The following MFHAS1 variants were observed in gnomAD, a reference collection of about 807,000 sequenced individuals.
MFHAS1 encodes multifunctional ROCO family signaling regulator 1, also known as malignant fibrous histiocytoma-amplified sequence 1.
In MFHAS1, 50 loss-of-function variants were observed where a neutral mutation model predicts 70.4. That is an observed-to-expected ratio of 0.71 (90% CI 0.57 to 0.90). The LOEUF is 0.90. MFHAS1 is among the 40% of genes least tolerant of loss of function. The pLI is 0.00. For synonymous variants in MFHAS1, 952 were observed against 620.0 expected (o/e 1.54, Z -7.96); for missense variants, 1,795 against 1,347.6 (o/e 1.33, Z -5.20).
In MFHAS1 at chr8:8,892,817, C is replaced by T. The variant is rs748622421; in HGVS notation, c.242G>A (p.Gly81Glu). Residue 81 changes from glycine to glutamate, a missense_variant, in exon 1 of 3, where the codon GGG (glycine) becomes GAG (glutamate). Transcript: ENST00000276282. The surrounding 1 kb of genome is among the most constrained non-coding windows in gnomAD (Gnocchi z 4.7). ...GNNGLEEVPE[G>E]LGSALGSLRV... ...CAGGCTGCCCAGCGCCGACCCCAGC[C>T]CCTCGGGTACCTCCTCCAGGCCGTT... The T allele has an allele frequency of 8.2e-6, 13 of 1,591,396 alleles. No homozygotes were observed. The East Asian group carries it at 2.3e-4, about 28-fold the overall frequency.
rs565077560 is a variant in MFHAS1, at chr8:8,822,765, G to A, written c.2999-25274C>T. Among the ~76,000 whole-genome samples, 280 of 148,112 alleles carry A rather than the reference G, an allele frequency of 1.9e-3. 3 individuals are homozygous for A. The highest frequency in any genetic ancestry group is 6.3e-3 in the African/African-American group (249 of 39,800). The stretch of plus-strand genomic sequence containing the variant: ...GACAGGGAACCAAGTCAGGGGGACT[G>A]AGATGGTGACAGGGAACCAAGCCAG... On this transcript the variant is annotated intron_variant, in intron 1 of 2. Transcript: ENST00000276282.
intron 1 of MFHAS1, among the ~76,000 whole-genome samples, chr8:8,850,489 G>C (rs1276166806): frequency 6.6e-6 from 1 of 152,186 alleles, no homozygotes; most frequent in Non-Finnish European, 1.5e-5. Context: ...AAGATTAGGA[G>C]ATAGAACCAG....
chr8:8,798,810 A>G (rs1049871523), intron 1 of MFHAS1, among the ~76,000 whole-genome samples: 4 of 152,126 alleles, frequency 2.6e-5, no homozygotes, highest in Non-Finnish European at 5.9e-5. Context: ...GCAGTTTGGA[A>G]GGCTGAGGCA....
chr8:8,878,007 C>A (rs1168753060), intron 1 of MFHAS1, among the ~76,000 whole-genome samples: 1 of 152,188 alleles, frequency 6.6e-6, no homozygotes, highest in Admixed American at 6.5e-5. Flanking sequence ...CTCCACCCAC[C>A]TCCCTTCTTC....
chr8:8,865,661 T>C (rs1444411695), intron 1 of MFHAS1, among the ~76,000 whole-genome samples: 1 of 152,234 alleles, frequency 6.6e-6, no homozygotes, highest in Non-Finnish European at 1.5e-5. Context: ...AATCCTAGTC[T>C]ACTCAAGGTG....
intron 1 of MFHAS1, among the ~76,000 whole-genome samples, chr8:8,825,715 A>G (rs1210547779): frequency 6.6e-6 from 1 of 152,186 alleles, no homozygotes; most frequent in Non-Finnish European, 1.5e-5. Context: ...TTACCTCTTT[A>G]AAGACCCTAA....
chr8:8,844,711 C>A (rs1009145915), intron 1 of MFHAS1, among the ~76,000 whole-genome samples: 11 of 152,194 alleles, frequency 7.2e-5, no homozygotes, highest in African/African-American at 2.7e-4. Flanking sequence ...CTTCTCAAAG[C>A]TTAAATTATA....
Position 8,892,868 on chromosome 8 carries a change from TC to T in MFHAS1, c.190del (p.Asp64ThrfsTer5). 1 of 1,588,786 alleles carries T rather than the reference TC, an allele frequency of 6.3e-7. No individual in the cohort carries two copies. Among genetic ancestry groups the T allele is most frequent in the Non-Finnish European group, 8.6e-7 (1 of 1,169,466 alleles). On this transcript the variant is annotated frameshift_variant, in exon 1 of 3. Transcript: ENST00000276282. LOFTEE classifies it high-confidence loss of function. The surrounding 1 kb of genome is among the most constrained non-coding windows in gnomAD (Gnocchi z 4.7). ...GTTCCCCAGGTTCAGTGCCTCAATG[TC>T]CCCGAGGTTGGCCGGCAGCACGAGC... ...PQLVLPANLG[D>X]IEALNLGNNG...
intron 1 of MFHAS1, among the ~76,000 whole-genome samples, chr8:8,865,818 A>G (rs1325793872): frequency 6.6e-6 from 1 of 152,220 alleles, no homozygotes; most frequent in Admixed American, 6.5e-5. Context: ...TCATAGTCCA[A>G]AAAGGTCAGA....
At chr8:8,804,280 G>T (rs935578149) in intron 1 of MFHAS1, among the ~76,000 whole-genome samples, 1 of 152,122 alleles carries the variant, frequency 6.6e-6, no homozygotes, top group African/African-American at 2.4e-5. Flanking sequence ...TCTTCAAAAT[G>T]TAGGAATCCA....
intron 1 of MFHAS1, among the ~76,000 whole-genome samples, chr8:8,837,223 T>C (rs888933294): frequency 5.9e-5 from 9 of 152,234 alleles, no homozygotes; most frequent in African/African-American, 1.9e-4. Flanking sequence ...GATCTTTATA[T>C]ATTCTTAGAG....
chr8:8,790,313 C>T, intron 2 of MFHAS1: 4 of 930,280 alleles, frequency 4.3e-6, no homozygotes, highest in Non-Finnish European at 5.1e-6. Context: ...CTCTGTTTCA[C>T]GGAGACTTAC....
At chr8:8,794,574 G>C (rs1805829844) in intron 2 of MFHAS1, among the ~76,000 whole-genome samples, 1 of 152,188 alleles carries the variant, frequency 6.6e-6, no homozygotes, top group Admixed American at 6.5e-5. Flanking sequence ...TTTCTATAAA[G>C]TCACACAAGA....
At chr8:8,878,602 G>T (rs1003803624) in intron 1 of MFHAS1, among the ~76,000 whole-genome samples, 5 of 151,318 alleles carry the variant, frequency 3.3e-5, no homozygotes, top group Non-Finnish European at 5.9e-5. Flanking sequence ...GCACCCAGGC[G>T]AAATATTTTT....
At chr8:8,842,908 T>C (rs967700143) in intron 1 of MFHAS1, among the ~76,000 whole-genome samples, 1 of 152,174 alleles carries the variant, frequency 6.6e-6, no homozygotes, top group African/African-American at 2.4e-5. Flanking sequence ...GCAATCTGCA[T>C]TTACAAATTA....
chr8:8,808,428 C>T (rs542236902), intron 1 of MFHAS1, among the ~76,000 whole-genome samples: 1 of 152,364 alleles, frequency 6.6e-6, no homozygotes, highest in South Asian at 2.1e-4. Context: ...GTGCTTAATA[C>T]GTCACCCTTA....
At chr8:8,830,500 A>G (rs1177888040) in intron 1 of MFHAS1, among the ~76,000 whole-genome samples, 1 of 152,194 alleles carries the variant, frequency 6.6e-6, no homozygotes, top group Non-Finnish European at 1.5e-5. Context: ...ATAGGACATT[A>G]GTGGGGGCTA....
At chr8:8,848,468 G>A (rs745360473) in intron 1 of MFHAS1, among the ~76,000 whole-genome samples, 1 of 151,240 alleles carries the variant, frequency 6.6e-6, no homozygotes, top group Non-Finnish European at 1.5e-5. Flanking sequence ...AGGAATAAAA[G>A]TGAAAGCCAT....
Position 8,891,085 on chromosome 8 carries a change from T to G in MFHAS1, c.1974A>C (p.Val658=), listed in dbSNP as rs1242631011. The G allele has an allele frequency of 6.2e-7, 1 of 1,613,694 alleles. No homozygotes were observed. The highest frequency in any genetic ancestry group is 1.3e-5 in the African/African-American group (1 of 74,886). ...CCAGCACCTGCCAGGATCGAGGCAG[T>G]ACTCTGTGTAAGTTGGGGAAGATCT... ...HREIFPNLHR[V]LPRSWQVLEE... Residue 658 remains valine (V), a synonymous_variant, in exon 1 of 3, where the codon GTA becomes GTC. Transcript: ENST00000276282. The surrounding 1 kb of genome is among the most constrained non-coding windows in gnomAD (Gnocchi z 5.4).
Sources: allele counts gnomAD v4.1 joint callset (sites outside exome capture counted in the v4.1 genomes callset), GRCh38; gene constraint gnomAD v4.1.1; non-coding constraint Gnocchi (gnomAD v3.1); transcripts MANE v1.5; gene names NCBI Gene and HGNC (gene_info 2026-07-23, HGNC 2026-07-21).